Variants in TNRC6A observed in about 807,000 individuals in gnomAD.
The protein encoded by TNRC6A is trinucleotide repeat-containing gene 6A protein.
A neutral mutation model predicts 221.2 loss-of-function variants in TNRC6A; 44 were observed. That is an observed-to-expected ratio of 0.20 (90% confidence interval 0.16 to 0.26). TNRC6A has a LOEUF of 0.26. Among genes scored for constraint, TNRC6A ranks in the 10% least tolerant of loss-of-function variants. The pLI is 1.00. For synonymous variants in TNRC6A, 847 were observed against 838.5 expected, an observed-to-expected ratio of 1.01 and a Z score of -0.18; for missense variants, 2,199 against 2,404.4, an observed-to-expected ratio of 0.91 and a Z score of 1.79.
At chr16:24,737,566 CA>C (rs1378827805) in intron 2 of TNRC6A, among the ~76,000 whole-genome samples, 1 of 152,190 alleles carries the variant, frequency 6.6e-6, no homozygotes. Flanking sequence ...CTTCCCGTTT[CA>C]AATGGAATGT....
intron 2 of TNRC6A, among the ~76,000 whole-genome samples, chr16:24,706,682 ACT>A (rs1286965645): frequency 3.7e-5 from 5 of 136,010 alleles, no homozygotes; most frequent in African/African-American, 1.4e-4. Flanking sequence ...ACAGAGCGAG[ACT>A]CTGTCTCAAA....
At chr16:24,673,686 A>G (rs1434042177) in intron 2 of TNRC6A, among the ~76,000 whole-genome samples, 1 of 152,050 alleles carries the variant, frequency 6.6e-6, no homozygotes, top group East Asian at 1.9e-4. Context: ...TCAGCCTCCC[A>G]AGAAGGTGGG....
At chr16:24,805,492 C>G in intron 14 of TNRC6A, 113 bp from the exon 15 acceptor site, 2 of 1,419,916 alleles carry the variant, frequency 1.4e-6, no homozygotes, top group Non-Finnish European at 1.9e-6. Context: ...ACTATAACCC[C>G]CAATGAATAG....
intron 2 of TNRC6A, among the ~76,000 whole-genome samples, chr16:24,698,211 C>G (rs569543176): frequency 1.3e-5 from 2 of 151,900 alleles, no homozygotes; most frequent in Non-Finnish European, 2.9e-5. Context: ...TCAGGCCTGC[C>G]CCAGATTCCA....
At chr16:24,694,040 A>G (rs769636526) in intron 2 of TNRC6A, among the ~76,000 whole-genome samples, 1 of 152,224 alleles carries the variant, frequency 6.6e-6, no homozygotes, top group Non-Finnish European at 1.5e-5. Flanking sequence ...ACAAGAGGAG[A>G]AACACAAGTA....
In TNRC6A at chr16:24,790,287, A is replaced by G; in HGVS notation, c.1645A>G (p.Thr549Ala). ...AGCTAATGGTGACACTGTGAATGCA[A>G]CTCTAATGCAGCCTGGCGTAAATGG... The part of the protein sequence containing the change: ...GQANGDTVNA[T>A]LMQPGVNGPM... Residue 549 changes from threonine to alanine, a missense_variant, in exon 6 of 25, where the codon ACT (threonine) becomes GCT (alanine). By Grantham distance (58) the Thr-to-Ala change is moderately conservative (BLOSUM62 0). Transcript: ENST00000395799. 3 of 1,614,126 alleles carry G rather than the reference A, an allele frequency of 1.9e-6. No individual in the cohort carries two copies. Among genetic ancestry groups the G allele is most frequent in the Non-Finnish European group, 1.7e-6 (2 of 1,180,026 alleles).
At chr16:24,677,494 G>A (rs917556246) in intron 2 of TNRC6A, among the ~76,000 whole-genome samples, 4 of 152,030 alleles carry the variant, frequency 2.6e-5, no homozygotes, top group African/African-American at 9.7e-5. Context: ...TCATGGAAAG[G>A]CATCAGAATC....
chr16:24,693,185 T>G (rs1567361631), intron 2 of TNRC6A, among the ~76,000 whole-genome samples: 2 of 152,058 alleles, frequency 1.3e-5, no homozygotes, highest in Middle Eastern at 3.2e-3. Context: ...AGGGTTGCAG[T>G]GGCTCACATC....
At chr16:24,666,665 AAAAATAT>A (rs1249081526) in intron 2 of TNRC6A, among the ~76,000 whole-genome samples, 6 of 121,084 alleles carry the variant, frequency 5.0e-5, no homozygotes, top group African/African-American at 1.4e-4. Flanking sequence ...AAAAAAAAAA[AAAAATAT>A]ATATATATAT....
intron 2 of TNRC6A, among the ~76,000 whole-genome samples, chr16:24,702,100 C>G (rs936462013): frequency 1.5e-5 from 1 of 65,098 alleles, no homozygotes; most frequent in Non-Finnish European, 2.6e-5. Context: ...CTTTTCTTTT[C>G]TTTTTTCTTT....
chr16:24,739,870 G>A (rs927438450), intron 2 of TNRC6A, among the ~76,000 whole-genome samples: 3 of 152,020 alleles, frequency 2.0e-5, no homozygotes, highest in Admixed American at 6.5e-5. Context: ...TACTTGTGTT[G>A]TTGGCAACAA....
At chr16:24,640,869 C>A (rs1257638640) in intron 1 of TNRC6A, 1 of 152,116 alleles carries the variant, frequency 6.6e-6, no homozygotes, top group Non-Finnish European at 1.5e-5. Flanking sequence ...CTAATGCAAC[C>A]TCTTCCTTTC....
chr16:24,756,971 T>C (rs1038909492), intron 3 of TNRC6A, among the ~76,000 whole-genome samples: 1 of 152,196 alleles, frequency 6.6e-6, no homozygotes, highest in African/African-American at 2.4e-5. Flanking sequence ...ATGCATCTTA[T>C]TGTTTGACAT....
Position 24,797,928 on chromosome 16 carries a change from A to G in TNRC6A, c.3656A>G (p.Glu1219Gly). 6.2e-7 allele frequency: 1 copy of G among 1,611,004 alleles called. No homozygotes were observed. Among genetic ancestry groups the G allele is most frequent in the Non-Finnish European group, 8.5e-7 (1 of 1,178,478 alleles). ...TTCTTTCTTCAGAGAGACTCACCAG[A>G]GGAAAATGTACAAAGCAATAAGATG... is the stretch of plus-strand genomic sequence containing the variant. Reference protein sequence around the residue: ...SNISFSRDSPEENVQSNKMDL... With the variant: ...SNISFSRDSPGENVQSNKMDL... Residue 1219 changes from glutamate to glycine, a missense_variant, in exon 11 of 25, where the codon GAG becomes GGG. Coordinates refer to ENST00000395799, the MANE Select transcript of TNRC6A (RefSeq NM_014494.4).
chr16:24,653,667 C>T (rs1902789597), intron 2 of TNRC6A, among the ~76,000 whole-genome samples: 1 of 151,770 alleles, frequency 6.6e-6, no homozygotes, highest in Non-Finnish European at 1.5e-5. Flanking sequence ...GTAATCCCAG[C>T]TACTTGGGAG....
chr16:24,822,876 C>T lies in TNRC6A; in HGVS notation c.5376C>T (p.Ile1792=), dbSNP rs1567528292. The change falls in exon 24 of 25, where the codon ATC becomes ATT. Residue 1792 remains isoleucine, a splice_region_variant and synonymous_variant. Coordinates refer to ENST00000395799, the MANE Select transcript of TNRC6A (RefSeq NM_014494.4). ...WLVLKNLTPQ[I]DGSTLRTLCM... ...GCAGTTTCCACACTGTTTCCTAGAT[C>T]GATGGCTCAACTCTGCGCACTCTGT... 6.2e-7 allele frequency: 1 copy of T among 1,613,412 alleles called. No individual in the cohort carries two copies. The highest frequency in any genetic ancestry group is 8.5e-7 in the Non-Finnish European group (1 of 1,179,990).
At chr16:24,723,326 G>C (rs974632937) in intron 2 of TNRC6A, among the ~76,000 whole-genome samples, 15 of 152,272 alleles carry the variant, frequency 9.9e-5, no homozygotes, top group Admixed American at 5.2e-4. Context: ...GGGCGCAGTG[G>C]CTCATGCCTG....
At chr16:24,675,719 T>TAC (rs1371256238) in intron 2 of TNRC6A, among the ~76,000 whole-genome samples, 19 of 121,410 alleles carry the variant, frequency 1.6e-4, no homozygotes, top group African/African-American at 5.6e-4. Flanking sequence ...TATATATATA[T>TAC]ATATATATAT....
chr16:24,741,823 C>T (rs747444691), intron 2 of TNRC6A, among the ~76,000 whole-genome samples: 2 of 152,086 alleles, frequency 1.3e-5, no homozygotes, highest in Non-Finnish European at 2.9e-5. Context: ...AATTAGTGTA[C>T]ACTTTTTACA....
Sources: gnomAD v4.1 joint callset for allele counts (sites outside exome capture counted in the v4.1 genomes callset) on GRCh38, gnomAD v4.1.1 for gene constraint, MANE v1.5 for transcripts, NCBI Gene and HGNC (gene_info 2026-07-23, HGNC 2026-07-21) for gene names.